ZBTB20: variants seen among roughly 807,000 people sequenced by gnomAD.
ZBTB20 encodes zinc finger and BTB domain containing 20.
In ZBTB20, 9 loss-of-function variants were observed where a neutral mutation model predicts 56.9. The observed-to-expected ratio is 0.16, with a 90% CI of 0.10 to 0.28. The LOEUF is 0.28. Among genes scored for constraint, ZBTB20 ranks in the 10% least tolerant of loss-of-function variants. ZBTB20 has a pLI of 1.00. For missense variants in ZBTB20, 655 were observed against 1,003.0 expected (o/e 0.65, Z 4.69); for synonymous variants, 417 against 420.7 (o/e 0.99, Z 0.11).
At chr3:114,999,461 C>A (rs1210601947) in intron 2 of ZBTB20, among the ~76,000 whole-genome samples, 2 of 151,662 alleles carry the variant, frequency 1.3e-5, no homozygotes, top group Non-Finnish European at 2.9e-5. Flanking sequence ...AAACTTAATG[C>A]AAACTTATCA....
intron 5 of ZBTB20, among the ~76,000 whole-genome samples, chr3:114,793,100 G>A (rs1305910699): frequency 3.3e-5 from 5 of 151,620 alleles, no homozygotes; most frequent in African/African-American, 4.8e-5. Context: ...GGCTGGTCTC[G>A]AATTCCTAAC....
At chr3:114,637,942 C>A (rs1000791260) in intron 6 of ZBTB20, among the ~76,000 whole-genome samples, 1 of 151,978 alleles carries the variant, frequency 6.6e-6, no homozygotes, top group Non-Finnish European at 1.5e-5. Flanking sequence ...CTTTTCCCCC[C>A]ACTATTACAG....
In ZBTB20 at chr3:114,316,255, A is replaced by T. The variant is rs2078680789; in HGVS notation, c.*22750T>A. On this transcript the variant is annotated 3_prime_UTR_variant, in exon 12 of 12. Transcript: ENST00000675478. The stretch of plus-strand genomic sequence containing the variant: ...TGGTTTCGCCCATTTTTCCTTTTTC[A>T]CTAACACTGTTCCTTTTTTTCCTTG... 1 of 324,666 alleles carries T rather than the reference A, an allele frequency of 3.1e-6. No individual in the cohort carries two copies. Among genetic ancestry groups the T allele is most frequent in the South Asian group, 2.6e-5 (1 of 39,024 alleles). The allele number at this position is 324,666 out of a possible 1,614,324, so 20.1% of individuals were successfully genotyped here. A position where few individuals can be genotyped will look rare whatever the true frequency, so the allele number is the denominator to read the frequency against.
At chr3:114,744,914 A>G (rs1014248604) in intron 5 of ZBTB20, among the ~76,000 whole-genome samples, 3 of 152,124 alleles carry the variant, frequency 2.0e-5, no homozygotes, top group Non-Finnish European at 2.9e-5. Context: ...CTCTTTGCAT[A>G]CGTGAAAAAA....
chr3:114,315,572 T>A lies in ZBTB20; in HGVS notation c.*23433A>T, dbSNP rs983457314. The A allele has an allele frequency of 4.0e-4, 56 of 140,022 alleles. No individual in the cohort carries two copies. Among genetic ancestry groups the A allele is most frequent in the Non-Finnish European group, 5.2e-4 (35 of 66,860 alleles). The allele number at this position is 140,022 out of a possible 1,614,324, so 8.7% of individuals were successfully genotyped here. On this transcript the variant is annotated 3_prime_UTR_variant, in exon 12 of 12. Coordinates refer to ENST00000675478, the MANE Select transcript of ZBTB20 (RefSeq NM_001348800.3). Reference sequence around the variant, plus strand: ...GTATTTTAGGTCTAAACATACAGTGTGTGTGTGTGTGTGTGTGTGTGTGTG... The same window carrying A: ...GTATTTTAGGTCTAAACATACAGTGAGTGTGTGTGTGTGTGTGTGTGTGTG...
intron 4 of ZBTB20, among the ~76,000 whole-genome samples, chr3:114,817,449 C>T (rs1387281468): frequency 1.3e-5 from 2 of 151,566 alleles, no homozygotes; most frequent in East Asian, 1.9e-4. Flanking sequence ...ACCTGGGAGG[C>T]GGAGGTTGCG....
At chr3:114,604,257 A>C (rs1261381952) in intron 6 of ZBTB20, among the ~76,000 whole-genome samples, 3 of 152,108 alleles carry the variant, frequency 2.0e-5, no homozygotes, top group Admixed American at 2.0e-4. Flanking sequence ...GATACTGGAG[A>C]ATACAAGATT....
chr3:114,369,151 A>G (rs1231027838), intron 10 of ZBTB20, among the ~76,000 whole-genome samples: 1 of 152,166 alleles, frequency 6.6e-6, no homozygotes, highest in Admixed American at 6.5e-5. Context: ...TATATAGGGA[A>G]GAACGTGATT....
At chr3:114,349,834 C>CAAGGAAACTG (rs1463409752) in intron 11 of ZBTB20, among the ~76,000 whole-genome samples, 1 of 152,164 alleles carries the variant, frequency 6.6e-6, no homozygotes, top group Non-Finnish European at 1.5e-5. Flanking sequence ...ATTTTATACA[C>CAAGGAAACTG]AAGGAAACTG....
chr3:114,526,812 G>T (rs1176572039), intron 6 of ZBTB20, among the ~76,000 whole-genome samples: 1 of 152,166 alleles, frequency 6.6e-6, no homozygotes, highest in Admixed American at 6.5e-5. Flanking sequence ...GGGGATCAGT[G>T]CAAAAGCAGC....
At chr3:114,588,635 C>A (rs550971136) in intron 6 of ZBTB20, among the ~76,000 whole-genome samples, 5 of 152,146 alleles carry the variant, frequency 3.3e-5, no homozygotes, top group African/African-American at 1.2e-4. Flanking sequence ...CTGAAGAATC[C>A]TAAGATCCCA....
chr3:114,594,357 C>T lies in ZBTB20; in HGVS notation c.-294-93966G>A, dbSNP rs906814671. On this transcript the variant is annotated intron_variant, in intron 6 of 11. Coordinates refer to ENST00000675478, the MANE Select transcript of ZBTB20 (RefSeq NM_001348800.3). ...TCTCAGCTCACTGCAACCTCCGCCG[C>T]CCGGGTTCAAGTGATTCCCCTGCCT... 2.0e-5 allele frequency among the ~76,000 whole-genome samples: 3 copies of T among 151,468 alleles called. No homozygotes were observed. The East Asian group carries it at 5.8e-4, about 30-fold the overall frequency.
intron 7 of ZBTB20, among the ~76,000 whole-genome samples, chr3:114,493,485 A>T (rs1353629378): frequency 6.6e-6 from 1 of 152,124 alleles, no homozygotes; most frequent in Non-Finnish European, 1.5e-5. Context: ...AAACACAAAA[A>T]TCCTTAACAT....
At chr3:115,073,115 T>C (rs2082470837) in intron 1 of ZBTB20, among the ~76,000 whole-genome samples, 2 of 152,176 alleles carry the variant, frequency 1.3e-5, no homozygotes, top group African/African-American at 4.8e-5. Context: ...TGGAACACAG[T>C]ATCAAAAATA....
At chr3:114,550,132 G>C (rs2050385578) in intron 6 of ZBTB20, among the ~76,000 whole-genome samples, 1 of 152,038 alleles carries the variant, frequency 6.6e-6, no homozygotes, top group African/African-American at 2.4e-5. Flanking sequence ...TAGAGATGGG[G>C]TTTCACCGTG....
rs557542292 is a variant in ZBTB20, at chr3:115,126,871, TAAC to T, written c.-703+20345_-703+20347del. Among the ~76,000 whole-genome samples, 974 of 152,200 alleles carry T rather than the reference TAAC, an allele frequency of 6.4e-3. 6 individuals are homozygous for T. The highest frequency in any genetic ancestry group is 0.01 in the Non-Finnish European group (695 of 67,998). ...ACAGGTTATTTCTTTTGATTTAAAA[TAAC>T]AAACGAATGAATGAATGAAAGAAAA... is the stretch of plus-strand genomic sequence containing the variant. On this transcript the variant is annotated intron_variant, in intron 1 of 11. Coordinates refer to ENST00000675478, the MANE Select transcript of ZBTB20 (RefSeq NM_001348800.3).
At chr3:114,346,421 A>T (rs1179538777) in intron 11 of ZBTB20, among the ~76,000 whole-genome samples, 2 of 151,738 alleles carry the variant, frequency 1.3e-5, no homozygotes, top group Admixed American at 1.3e-4. Flanking sequence ...AGGCAGAAAA[A>T]ATCATTTTTA....
intron 6 of ZBTB20, among the ~76,000 whole-genome samples, chr3:114,626,678 T>C (rs1315219080): frequency 1.3e-5 from 2 of 152,208 alleles, no homozygotes; most frequent in African/African-American, 4.8e-5. Flanking sequence ...TTTGGGTATC[T>C]ATGTTGTCAA....
At chr3:114,840,579 G>A (rs143215809) in intron 4 of ZBTB20, among the ~76,000 whole-genome samples, 29 of 152,240 alleles carry the variant, frequency 1.9e-4, no homozygotes, top group Middle Eastern at 3.4e-3. Flanking sequence ...AAATGTTTGC[G>A]TCTAGCTTGA....
Sources: allele counts gnomAD v4.1 joint callset (sites outside exome capture counted in the v4.1 genomes callset), GRCh38; gene constraint gnomAD v4.1.1; transcripts MANE v1.5; gene names NCBI Gene and HGNC (gene_info 2026-07-23, HGNC 2026-07-21).